The following TMED8 variants were observed in gnomAD, a reference collection of about 807,000 sequenced individuals.
The protein encoded by TMED8 is transmembrane p24 trafficking protein family member 8, also known as protein TMED8.
A neutral mutation model predicts 32.7 loss-of-function variants in TMED8; 15 were observed. The ratio of observed to expected loss-of-function variants is 0.46; its 90% confidence interval spans 0.31 to 0.71. TMED8 has a LOEUF of 0.71. Among genes scored for constraint, TMED8 ranks in the 30% least tolerant of loss-of-function variants. The pLI is 0.06. For synonymous variants in TMED8, 147 were observed against 161.4 expected, an observed-to-expected ratio of 0.91 and a Z score of 0.68; for missense variants, 390 against 423.9, an observed-to-expected ratio of 0.92 and a Z score of 0.70.
intron 1 of TMED8, among the ~76,000 whole-genome samples, chr14:77,370,770 C>T (rs1594855394): frequency 7.7e-6 from 1 of 129,206 alleles, no homozygotes; most frequent in Admixed American, 8.3e-5. Flanking sequence ...TGTGTGTATA[C>T]TTTTTCACTT....
At chr14:77,344,382 G>A (rs1455724786) in intron 3 of TMED8, among the ~76,000 whole-genome samples, 2 of 152,240 alleles carry the variant, frequency 1.3e-5, no homozygotes, top group Non-Finnish European at 2.9e-5. Flanking sequence ...GCTACAGATT[G>A]TCTCAGTCTT....
chr14:77,363,220 A>G (rs546630945), intron 1 of TMED8, among the ~76,000 whole-genome samples: 19 of 152,310 alleles, frequency 1.2e-4, no homozygotes, highest in African/African-American at 3.8e-4. Context: ...CCACAAAACA[A>G]GTCTTAACAA....
intron 1 of TMED8, among the ~76,000 whole-genome samples, chr14:77,370,961 A>G (rs1024773549): frequency 9.2e-5 from 14 of 151,842 alleles, no homozygotes; most frequent in African/African-American, 3.1e-4. Context: ...AAAAAAAAAA[A>G]GGTCGGGGGG....
chr14:77,363,563 G>A (rs187646496), intron 1 of TMED8, among the ~76,000 whole-genome samples: 5 of 152,262 alleles, frequency 3.3e-5, no homozygotes, highest in East Asian at 1.9e-4. Flanking sequence ...TTGGGAAGCT[G>A]AGACAGGAGG....
At chr14:77,367,516 T>C (rs903677131) in intron 1 of TMED8, among the ~76,000 whole-genome samples, 3 of 152,070 alleles carry the variant, frequency 2.0e-5, no homozygotes, top group African/African-American at 7.2e-5. Context: ...TAAGTAAGCA[T>C]TCCTAAACAC....
intron 1 of TMED8, among the ~76,000 whole-genome samples, chr14:77,372,818 T>C (rs1483729019): frequency 6.7e-6 from 1 of 149,112 alleles, no homozygotes; most frequent in Non-Finnish European, 1.5e-5. Context: ...AGGCTGTTTG[T>C]CATTGACTCC....
intron 1 of TMED8, among the ~76,000 whole-genome samples, chr14:77,375,571 G>C (rs1254140198): frequency 1.3e-5 from 2 of 152,146 alleles, no homozygotes; most frequent in African/African-American, 4.8e-5. Flanking sequence ...ATACAAAGCA[G>C]AGTTCGTAAG....
chr14:77,367,045 G>T (rs900713151), intron 1 of TMED8, among the ~76,000 whole-genome samples: 1 of 151,874 alleles, frequency 6.6e-6, no homozygotes, highest in Non-Finnish European at 1.5e-5. Context: ...AGGAGTTCCA[G>T]AGCAGCCTGG....
rs751905394 is a variant in TMED8, at chr14:77,343,475, G to T, written c.463C>A (p.Pro155Thr). 1.8e-5 allele frequency: 29 copies of T among 1,613,262 alleles called. No individual in the cohort carries two copies. In the Admixed American group the frequency reaches 2.2e-4, roughly 12 times the overall value. ...CAGATGCATGGAGGAGCCATCAGAG[G>T]TGGGGAGACTGAAAGGACAAGCAGC... The part of the protein sequence containing the change: ...LLGDHRKVSP[P>T]LMAPPCIWTF... Residue 155 changes from proline (P) to threonine (T), a missense_variant, in exon 5 of 6, where the codon CCT (proline) becomes ACT (threonine). By Grantham distance (38) the Pro-to-Thr change is conservative. Transcript: ENST00000216468.
Position 77,336,047 on chromosome 14 carries a change from G to T in TMED8, c.*5724C>A, listed in dbSNP as rs750859813. The T allele has an allele frequency of 1.3e-5, 2 of 152,098 alleles. No individual in the cohort carries two copies. Among genetic ancestry groups the T allele is most frequent in the African/African-American group, 2.4e-5 (1 of 41,416 alleles). 9.4% of individuals were successfully genotyped at this position (152,098 alleles called of 1,614,324 possible). On this transcript the variant is annotated 3_prime_UTR_variant, in exon 6 of 6. Transcript: ENST00000216468. ...GTGATGAAGAGAGTTCAGGAAGAGA[G>T]CCCCTTAAACTCTGAATTAAGGGCT...
intron 1 of TMED8, among the ~76,000 whole-genome samples, chr14:77,371,246 C>A (rs1893672615): frequency 6.6e-6 from 1 of 152,152 alleles, no homozygotes; most frequent in Non-Finnish European, 1.5e-5. Context: ...AAGTTGCCCT[C>A]CACAGAATCT....
At chr14:77,372,930 ATATATATATATATATATATATATTTT>A (rs1279732250) in intron 1 of TMED8, among the ~76,000 whole-genome samples, 13 of 28,790 alleles carry the variant, frequency 4.5e-4, no homozygotes, top group African/African-American at 3.3e-3. Context: ...ATATATATAT[ATATATATATATATATATATATATTTT>A]TTTTTTTTTT....
intron 1 of TMED8, among the ~76,000 whole-genome samples, chr14:77,367,883 G>A (rs186636627): frequency 2.2e-4 from 33 of 152,178 alleles, no homozygotes; most frequent in African/African-American, 6.5e-4. Flanking sequence ...TAGTAGAGAC[G>A]GGGTTTCACC....
intron 3 of TMED8, among the ~76,000 whole-genome samples, chr14:77,346,026 C>G (rs1459396401): frequency 1.4e-5 from 2 of 147,672 alleles, no homozygotes; most frequent in African/African-American, 4.9e-5. Flanking sequence ...CTAAATAGAT[C>G]TACCACAAGA....
intron 1 of TMED8, among the ~76,000 whole-genome samples, chr14:77,366,232 T>C (rs1893550628): frequency 6.6e-6 from 1 of 152,238 alleles, no homozygotes; most frequent in African/African-American, 2.4e-5. Flanking sequence ...GTCAATCTTC[T>C]GGCTTTCAAA....
At position 77,346,305 on chromosome 14, in the gene TMED8, C is replaced by G. The variant is rs752298811; in HGVS notation, c.327+44G>C. On this transcript the variant is annotated intron_variant, in intron 3 of 5. Transcript: ENST00000216468. Reference sequence around the variant, plus strand: ...AACCCAACCACTATGTGTCCACATTCTGGTGCCTCCTTTCATAAGAAAGAG... The same window carrying G: ...AACCCAACCACTATGTGTCCACATTGTGGTGCCTCCTTTCATAAGAAAGAG... The G allele has an allele frequency of 3.7e-6, 6 of 1,604,894 alleles. No homozygotes were observed. The African/African-American group carries it at 8.0e-5, about 21-fold the overall frequency.
In TMED8 at chr14:77,340,834, CCTACT is replaced by C. The variant is rs1175688588; in HGVS notation, c.*932_*936del. 1.3e-5 allele frequency: 2 copies of C among 151,980 alleles called. No homozygotes were observed. Among genetic ancestry groups the C allele is most frequent in the East Asian group, 3.9e-4 (2 of 5,184 alleles). 9.4% of individuals were successfully genotyped at this position (151,980 alleles called of 1,614,324 possible). A position where few individuals can be genotyped will look rare whatever the true frequency, so the allele number is the denominator to read the frequency against. On this transcript the variant is annotated 3_prime_UTR_variant, in exon 6 of 6. Transcript: ENST00000216468. Reference sequence around the variant, plus strand: ...CAAAGCAACATTTCTAAACAGCACTCCTACTCTAAAGACAAAAAAAAGCGGTGGGG... The same window carrying C: ...CAAAGCAACATTTCTAAACAGCACTCCTAAAGACAAAAAAAAGCGGTGGGG...
At position 77,351,672 on chromosome 14, in the gene TMED8, C is replaced by A. The variant is rs1264148382; in HGVS notation, c.197+1G>T. ...GAAAGCATTCTATCCAAAGTGGTTACCTGTGGGGTGAGGAGCAGGGTTCTG... is the reference window on the plus strand; with the variant it reads ...GAAAGCATTCTATCCAAAGTGGTTAACTGTGGGGTGAGGAGCAGGGTTCTG... On this transcript the variant is annotated splice_donor_variant, in intron 2 of 5. Transcript: ENST00000216468. LOFTEE classifies it high-confidence loss of function. 1 of 1,612,750 alleles carries A rather than the reference C, an allele frequency of 6.2e-7. No individual in the cohort carries two copies. Among genetic ancestry groups the A allele is most frequent in the South Asian group, 1.1e-5 (1 of 90,868 alleles).
intron 1 of TMED8, among the ~76,000 whole-genome samples, chr14:77,370,027 C>T (rs1470620743): frequency 6.6e-6 from 1 of 152,080 alleles, no homozygotes; most frequent in Non-Finnish European, 1.5e-5. Context: ...CAAAAATTAG[C>T]CGGGCGTGGT....
Sources: gnomAD v4.1 joint callset for allele counts (sites outside exome capture counted in the v4.1 genomes callset) on GRCh38, gnomAD v4.1.1 for gene constraint, MANE v1.5 for transcripts, NCBI Gene and HGNC (gene_info 2026-07-23, HGNC 2026-07-21) for gene names.